The following ANGPTL7 variants were observed in gnomAD, a reference collection of about 807,000 sequenced individuals.
ANGPTL7 encodes the protein angiopoietin like 7.
In ANGPTL7, 37 loss-of-function variants were observed where a neutral mutation model predicts 38.8. That is an observed-to-expected ratio of 0.95 (90% CI 0.73 to 1.25). ANGPTL7 has a LOEUF of 1.25. Ranked by LOEUF, ANGPTL7 falls within the 50% of genes most tolerant of loss-of-function variation. The probability of loss-of-function intolerance (pLI) is 0.00; values close to 1 mark genes in which losing one functional copy is unlikely to be tolerated. For synonymous variants in ANGPTL7, 166 were observed against 163.2 expected, an observed-to-expected ratio of 1.02 and a Z score of -0.13; for missense variants, 427 against 438.6, an observed-to-expected ratio of 0.97 and a Z score of 0.24.
intron 1 of ANGPTL7, 86 bp downstream of exon 1, chr1:11,190,041 A>G: frequency 6.8e-7 from 1 of 1,470,860 alleles, no homozygotes. Flanking sequence ...CAGAACCACT[A>G]CTGGGGCCTC....
chr1:11,190,974 A>C (rs1453864368), intron 1 of ANGPTL7, among the ~76,000 whole-genome samples: 1 of 152,184 alleles, frequency 6.6e-6, no homozygotes, highest in Non-Finnish European at 1.5e-5. Flanking sequence ...ATCACTTTCT[A>C]AGCATGGACT....
chr1:11,195,188 C>A lies in ANGPTL7; in HGVS notation c.*165C>A, dbSNP rs1645738614. 2.6e-6 allele frequency: 2 copies of A among 757,568 alleles called. No individual in the cohort carries two copies. Among genetic ancestry groups the A allele is most frequent in the Admixed American group, 2.9e-5 (1 of 33,936 alleles). The allele number at this position is 757,568 out of a possible 1,614,324, so 46.9% of individuals were successfully genotyped here. ...AAGGAGCACAAAAAAATCATATGTA[C>A]CAAGGATGTTACAGTAAACAGGATG... On this transcript the variant is annotated 3_prime_UTR_variant, in exon 5 of 5. Coordinates refer to ENST00000376819, the MANE Select transcript of ANGPTL7 (RefSeq NM_021146.4).
In ANGPTL7 at chr1:11,189,887, C is replaced by G; in HGVS notation, c.308C>G (p.Ser103Cys). Residue 103 changes from serine to cysteine, a missense_variant, in exon 1 of 5, where the codon TCC becomes TGC. Coordinates refer to ENST00000376819, the MANE Select transcript of ANGPTL7 (RefSeq NM_021146.4). The stretch of plus-strand genomic sequence containing the variant: ...CTCACAGATGCTGAGAGCAAGTACT[C>G]CGAGATGAACAACCAAATTGACATC... ...SRLTDAESKY[S>C]EMNNQIDIMQ... 4.3e-6 allele frequency: 7 copies of G among 1,614,104 alleles called. No individual in the cohort carries two copies. Among genetic ancestry groups the G allele is most frequent in the Non-Finnish European group, 5.9e-6 (7 of 1,180,026 alleles).
Position 11,192,360 on chromosome 1 carries a change from C to G in ANGPTL7, c.467C>G (p.Pro156Arg). The change falls in exon 2 of 5, where the codon CCT becomes CGT. Residue 156 changes from proline (P) to arginine (R), a missense_variant. Transcript: ENST00000376819. Reference sequence around the variant, plus strand: ...CCTCCTGATGACTTCCTGGGCAGCCCTGAACTGGAGGTGAGGTCATTACAG... The same window carrying G: ...CCTCCTGATGACTTCCTGGGCAGCCGTGAACTGGAGGTGAGGTCATTACAG... ...KLPPDDFLGS[P>R]ELEVFCDMET... 1 of 1,612,808 alleles carries G rather than the reference C, an allele frequency of 6.2e-7. No individual in the cohort carries two copies.
rs1025365625 is a variant in ANGPTL7 at position 11,189,467 on chromosome 1, C to A, written c.-113C>A. 8.0e-6 allele frequency: 10 copies of A among 1,255,508 alleles called. No individual in the cohort carries two copies. Among genetic ancestry groups the A allele is most frequent in the Non-Finnish European group, 9.9e-6 (9 of 910,454 alleles). 77.8% of individuals were successfully genotyped at this position (1,255,508 alleles called of 1,614,324 possible). A position where few individuals can be genotyped will look rare whatever the true frequency, so the allele number is the denominator to read the frequency against. On this transcript the variant is annotated 5_prime_UTR_variant, in exon 1 of 5. Transcript: ENST00000376819. ...GAGAGAAAACAACAAAGTGGCGAGG[C>A]CCTCAGAGTGAAAGCGTAAGGTTCA...
intron 3 of ANGPTL7, among the ~76,000 whole-genome samples, 180 bp downstream of exon 3, chr1:11,193,954 C>T (rs1645669250): frequency 6.6e-6 from 1 of 152,162 alleles, no homozygotes; most frequent in South Asian, 2.1e-4. Context: ...CTGCAACCCC[C>T]CCAACCCCCC....
Position 11,192,356 on chromosome 1 carries a change from A to G in ANGPTL7, c.463A>G (p.Ser155Gly), listed in dbSNP as rs962751198. Residue 155 changes from serine (S) to glycine (G), a missense_variant, in exon 2 of 5, where the codon AGC becomes GGC. Physicochemically the swap from Ser to Gly is moderately conservative, Grantham distance 56. Coordinates refer to ENST00000376819, the MANE Select transcript of ANGPTL7 (RefSeq NM_021146.4). ...YKLPPDDFLG[S>G]PELEVFCDME... ...GCTTCCTCCTGATGACTTCCTGGGC[A>G]GCCCTGAACTGGAGGTGAGGTCATT... 2.5e-5 allele frequency: 41 copies of G among 1,613,288 alleles called. No homozygotes were observed. Among genetic ancestry groups the G allele is most frequent in the Non-Finnish European group, 3.5e-5 (41 of 1,179,430 alleles).
chr1:11,194,354 C>T, intron 3 of ANGPTL7, 107 bp from the exon 4 acceptor site: 3 of 1,025,090 alleles, frequency 2.9e-6, no homozygotes. Context: ...TAGATTCACA[C>T]CTATAAAAAG....
chr1:11,194,316 T>C (rs1353098615), intron 3 of ANGPTL7, 145 bp from the exon 4 acceptor site: 1 of 773,582 alleles, frequency 1.3e-6, no homozygotes, highest in Non-Finnish European at 2.1e-6. Flanking sequence ...CACAGTAAAC[T>C]GGAGGTAAAC....
At chr1:11,194,215 G>T (rs1453744971) in intron 3 of ANGPTL7, among the ~76,000 whole-genome samples, 1 of 152,210 alleles carries the variant, frequency 6.6e-6, no homozygotes, top group African/African-American at 2.4e-5. Context: ...TTATAAGCAG[G>T]AAAGTGAGGA....
chr1:11,192,821 C>T (rs995975552), intron 2 of ANGPTL7, among the ~76,000 whole-genome samples: 4 of 151,394 alleles, frequency 2.6e-5, no homozygotes, highest in Admixed American at 6.6e-5. Flanking sequence ...TATGCAAACA[C>T]TCAGTTTATG....
In ANGPTL7 at chr1:11,192,312, G is replaced by T. The variant is rs28991002; in HGVS notation, c.419G>T (p.Arg140Leu). 6.2e-7 allele frequency: 1 copy of T among 1,613,956 alleles called. No homozygotes were observed. The highest frequency in any genetic ancestry group is 8.5e-7 in the Non-Finnish European group (1 of 1,179,972). ...TCTTCCCTCTACCAGAAGAACTACC[G>T]CATCTCTGGAGTGTATAAGCTTCCT... Reference protein sequence around the residue: ...DCSSLYQKNYRISGVYKLPPD... With the variant: ...DCSSLYQKNYLISGVYKLPPD... The change falls in exon 2 of 5, where the codon CGC (arginine) becomes CTC (leucine). Residue 140 changes from arginine (R) to leucine (L), a missense_variant. By Grantham distance (102) the Arg-to-Leu change is moderately radical (BLOSUM62 -2). Transcript: ENST00000376819.
chr1:11,191,633 G>A (rs1442120029), intron 1 of ANGPTL7, among the ~76,000 whole-genome samples: 1 of 152,144 alleles, frequency 6.6e-6, no homozygotes, highest in Non-Finnish European at 1.5e-5. Flanking sequence ...TGGCCCTAGA[G>A]TAAAAAAACT....
intron 1 of ANGPTL7, among the ~76,000 whole-genome samples, chr1:11,191,163 G>T (rs969404043): frequency 1.2e-4 from 18 of 152,190 alleles, no homozygotes; most frequent in Non-Finnish European, 1.9e-4. Flanking sequence ...CTGCAAGGAG[G>T]TTCTTGGGGT....
intron 3 of ANGPTL7, 94 bp downstream of exon 3, chr1:11,193,868 A>G: frequency 8.1e-7 from 1 of 1,235,348 alleles, no homozygotes; most frequent in Non-Finnish European, 1.1e-6. Context: ...CTGATTCAAG[A>G]CAAATCTGTA....
Position 11,189,480 on chromosome 1 carries a change from A to C in ANGPTL7, c.-100A>C. On this transcript the variant is annotated 5_prime_UTR_variant, in exon 1 of 5. Transcript: ENST00000376819. ...AAAGTGGCGAGGCCCTCAGAGTGAA[A>C]GCGTAAGGTTCAGTCAGCCTGCTGC... 1.4e-6 allele frequency: 2 copies of C among 1,381,108 alleles called. No homozygotes were observed. The highest frequency in any genetic ancestry group is 2.0e-6 in the Non-Finnish European group (2 of 1,022,606). The allele number at this position is 1,381,108 out of a possible 1,614,324, so 85.6% of individuals were successfully genotyped here.
Position 11,193,791 on chromosome 1 carries a change from G to A in ANGPTL7, c.672+17G>A. 6.2e-7 allele frequency: 1 copy of A among 1,613,398 alleles called. No individual in the cohort carries two copies. The highest frequency in any genetic ancestry group is 1.3e-5 in the African/African-American group (1 of 74,994). ...GAGATGGAGGTAAGCACAAGGCCAG[G>A]GGCCCCATGACTGGACCAGTGCCAC... On this transcript the variant is annotated intron_variant, in intron 3 of 4. Coordinates refer to ENST00000376819, the MANE Select transcript of ANGPTL7 (RefSeq NM_021146.4).
intron 1 of ANGPTL7, among the ~76,000 whole-genome samples, chr1:11,192,012 A>T (rs1645556792): frequency 6.6e-6 from 1 of 152,152 alleles, no homozygotes; most frequent in Non-Finnish European, 1.5e-5. Flanking sequence ...TTCAGAGTTA[A>T]CCTGAAACCA....
rs993784437 is a variant in ANGPTL7, at chr1:11,195,730, C to T, written c.*707C>T. 6.6e-6 allele frequency: 1 copy of T among 152,532 alleles called. No homozygotes were observed. Among genetic ancestry groups the T allele is most frequent in the Non-Finnish European group, 1.5e-5 (1 of 68,036 alleles). 9.4% of individuals were successfully genotyped at this position (152,532 alleles called of 1,614,324 possible). Reference sequence around the variant, plus strand: ...ACAGAGTCTCTCATGGATGCCGGCACAAAACTGCCTTAAAATATTCATAGT... The same window carrying T: ...ACAGAGTCTCTCATGGATGCCGGCATAAAACTGCCTTAAAATATTCATAGT... On this transcript the variant is annotated 3_prime_UTR_variant, in exon 5 of 5. Transcript: ENST00000376819.
Sources: allele counts gnomAD v4.1 joint callset (sites outside exome capture counted in the v4.1 genomes callset), GRCh38; gene constraint gnomAD v4.1.1; transcripts MANE v1.5; gene names NCBI Gene and HGNC (gene_info 2026-07-23, HGNC 2026-07-21).